LRP3: variants seen among roughly 807,000 people sequenced by gnomAD.
LRP3 encodes low-density lipoprotein receptor-related protein 3.
Under a neutral mutation model 58.5 loss-of-function variants are expected in LRP3, and 49 were observed. The observed-to-expected ratio is 0.84, with a 90% CI of 0.67 to 1.06. The LOEUF (loss-of-function observed/expected upper bound fraction) is 1.06, where lower values mean the gene tolerates loss of function less well. LRP3 is among the 50% of genes least tolerant of loss of function. LRP3 has a pLI of 0.00. For missense variants in LRP3, 1,019 were observed against 1,134.2 expected, an observed-to-expected ratio of 0.90 and a Z score of 1.46; for synonymous variants, 485 against 492.2, an observed-to-expected ratio of 0.99 and a Z score of 0.20.
chr19:33,207,044 C>A lies in LRP3; in HGVS notation c.1782C>A (p.Ala594=). Residue 594 remains alanine, a synonymous_variant, in exon 7 of 7, where the codon GCC becomes GCA. Coordinates refer to ENST00000253193, the MANE Select transcript of LRP3 (RefSeq NM_002333.4). ...TGCGGAGACAGATGCGTCGGCACGC[C>A]TCCCGCCGGGGGCCCTCCCGCCGCC... ...TAMRRQMRRH[A]SRRGPSRRRL... is the part of the protein sequence containing the mutation. 6.7e-7 allele frequency: 1 copy of A among 1,482,796 alleles called. No individual in the cohort carries two copies. The highest frequency in any genetic ancestry group is 8.9e-7 in the Non-Finnish European group (1 of 1,122,382). The allele number at this position is 1,482,796 out of a possible 1,614,324, so 91.9% of individuals were successfully genotyped here.
In LRP3 at chr19:33,205,969, G is replaced by A. The variant is rs1215986433; in HGVS notation, c.1199G>A (p.Gly400Asp). The change falls in exon 5 of 7, where the codon GGC becomes GAC. Residue 400 changes from glycine (G) to aspartate (D), a missense_variant. By Grantham distance (94) the Gly-to-Asp change is moderately conservative. Transcript: ENST00000253193. ...GCFSEPQRCD[G>D]WWHCASGRDE... ...TTCTCAGAGCCACAGCGCTGTGATG[G>A]CTGGTGGCATTGTGCCAGCGGCCGA... 7 of 1,582,422 alleles carry A rather than the reference G, an allele frequency of 4.4e-6. No homozygotes were observed. Among genetic ancestry groups the A allele is most frequent in the African/African-American group, 1.3e-5 (1 of 74,618 alleles).
Position 33,206,004 on chromosome 19 carries a change from G to A in LRP3, c.1234G>A (p.Gly412Ser), listed in dbSNP as rs373137580. Reference sequence around the variant, plus strand: ...TTGTGCCAGCGGCCGAGACGAGCAGGGCTGCCCTGCCTGCCCGCCCGACCA... The same window carrying A: ...TTGTGCCAGCGGCCGAGACGAGCAGAGCTGCCCTGCCTGCCCGCCCGACCA... The part of the protein sequence containing the change: ...WHCASGRDEQ[G>S]CPACPPDQYP... The change falls in exon 5 of 7, where the codon GGC (glycine) becomes AGC (serine). Residue 412 changes from glycine (G) to serine (S), a missense_variant. Gly to Ser is a moderately conservative substitution (Grantham distance 56). Around this residue, in one of 2 missense-constraint regions of LRP3, gnomAD observed 592 missense variants for 725.5 expected, o/e 0.82. Coordinates refer to ENST00000253193, the MANE Select transcript of LRP3 (RefSeq NM_002333.4). 1.5e-4 allele frequency: 238 copies of A among 1,580,362 alleles called. No individual in the cohort carries two copies. The highest frequency in any genetic ancestry group is 2.0e-4 in the Non-Finnish European group (231 of 1,164,098).
chr19:33,199,902 C>CCCCCAAGGG lies in LRP3; in HGVS notation c.122-2937_122-2929dup, dbSNP rs771564336. Reference sequence around the variant, plus strand: ...CAGAAAGCGTGGGTGAGACACCTGGCCCCCAAGGGCCCCAAGGAGAGGGGC... The same window carrying CCCCCAAGGG: ...CAGAAAGCGTGGGTGAGACACCTGGCCCCCAAGGGCCCCAAGGGCCCCAAGGAGAGGGGC... On this transcript the variant is annotated intron_variant, in intron 2 of 6. Coordinates refer to ENST00000253193, the MANE Select transcript of LRP3 (RefSeq NM_002333.4). 1.6e-3 allele frequency among the ~76,000 whole-genome samples: 247 copies of CCCCCAAGGG among 152,206 alleles called. 2 individuals carry two copies. The highest frequency in any genetic ancestry group is 2.9e-3 in the Non-Finnish European group (198 of 68,032).
chr19:33,201,777 C>T (rs1009093758), intron 2 of LRP3, among the ~76,000 whole-genome samples: 4 of 152,072 alleles, frequency 2.6e-5, no homozygotes, highest in Non-Finnish European at 5.9e-5. Flanking sequence ...GAGGTGTGGT[C>T]AAGTGCAGGG....
chr19:33,205,669 T>C lies in LRP3; in HGVS notation c.899T>C (p.Leu300Pro), dbSNP rs895273287. Residue 300 changes from leucine (L) to proline (P), a missense_variant, in exon 5 of 7, where the codon CTG becomes CCG. Transcript: ENST00000253193. ...DSRRVLLQLE[L>P]RLGYDDYVQV... is the part of the protein sequence containing the mutation. ...CGGCGGGTGCTGCTGCAGCTGGAAC[T>C]GCGGCTGGGCTATGACGACTACGTG... 2 of 1,608,820 alleles carry C rather than the reference T, an allele frequency of 1.2e-6. No individual in the cohort carries two copies. The highest frequency in any genetic ancestry group is 1.7e-6 in the Non-Finnish European group (2 of 1,179,416).
intron 2 of LRP3, among the ~76,000 whole-genome samples, chr19:33,201,363 G>A (rs1974339287): frequency 6.6e-6 from 1 of 152,182 alleles, no homozygotes; most frequent in Non-Finnish European, 1.5e-5. Context: ...GACCACCAGG[G>A]CCTCCAGGGC....
chr19:33,204,500 C>T, intron 3 of LRP3, 138 bp from the exon 4 acceptor site: 2 of 677,476 alleles, frequency 3.0e-6, no homozygotes, highest in Non-Finnish European at 5.3e-6. Context: ...CAGTCTGGAA[C>T]ATGAGGAGTG....
chr19:33,200,241 T>A (rs2376557), intron 2 of LRP3, among the ~76,000 whole-genome samples: 151,971 of 152,176 alleles, frequency 1, 75,887 homozygotes, highest in Middle Eastern at 1. Context: ...TTTTTTTTAA[T>A]TTTTTTTGGA....
At chr19:33,195,099 G>T (rs1197046264) in intron 1 of LRP3, among the ~76,000 whole-genome samples, 1 of 151,868 alleles carries the variant, frequency 6.6e-6, no homozygotes, top group Non-Finnish European at 1.5e-5. Context: ...CCCGGGCTGA[G>T]CGCTGGCAGG....
In LRP3 at chr19:33,206,648, G is replaced by A. The variant is rs373749094; in HGVS notation, c.1640G>A (p.Arg547Gln). The change falls in exon 6 of 7, where the codon CGG becomes CAG. Residue 547 changes from arginine (R) to glutamine (Q), a missense_variant. Around this residue, in one of 2 missense-constraint regions of LRP3, gnomAD observed 427 missense variants for 408.6 expected, o/e 1.04. Transcript: ENST00000253193. ...MTRLEAEFVR[R>Q]EAPPSYGQLI... ...CGCCTGGAGGCTGAGTTCGTGCGGC[G>A]GGAGGCACCCCCATCCTATGGTCAG... 3.1e-5 allele frequency: 49 copies of A among 1,598,524 alleles called. No individual in the cohort carries two copies. Among genetic ancestry groups the A allele is most frequent in the Non-Finnish European group, 3.8e-5 (45 of 1,172,542 alleles).
intron 2 of LRP3, 91 bp from the exon 3 acceptor site, chr19:33,202,757 G>A (rs1568382031): frequency 1.4e-6 from 2 of 1,411,444 alleles, no homozygotes; most frequent in East Asian, 5.0e-5. Context: ...CCCACCATGG[G>A]GGAGGCCTGT....
At position 33,207,566 on chromosome 19, in the gene LRP3, G is replaced by T. The variant is rs755998649; in HGVS notation, c.2304G>T (p.Leu768Phe). ...MLEASDDEALLVC is the reference protein window; with the variant it reads ...MLEASDDEALFVC Reference sequence around the variant, plus strand: ...AGGCCAGCGATGATGAGGCCCTGTTGGTCTGTTGACCGCTGGGCTCGCTGG... The same window carrying T: ...AGGCCAGCGATGATGAGGCCCTGTTTGTCTGTTGACCGCTGGGCTCGCTGG... Residue 768 changes from leucine (L) to phenylalanine (F), a missense_variant, in exon 7 of 7, where the codon TTG (leucine) becomes TTT (phenylalanine). By Grantham distance (22) the Leu-to-Phe change is conservative. Transcript: ENST00000253193. 1 of 1,601,584 alleles carries T rather than the reference G, an allele frequency of 6.2e-7. No individual in the cohort carries two copies. Among genetic ancestry groups the T allele is most frequent in the Non-Finnish European group, 8.5e-7 (1 of 1,177,756 alleles).
In LRP3 at chr19:33,208,424, G is replaced by A. The variant is rs1974454945; in HGVS notation, c.*849G>A. ...GGGTGGCCGAGCTCAGACTGGCATC[G>A]AGGGGCCTGGGGTAGGGGCGGACTG... is the stretch of plus-strand genomic sequence containing the variant. On this transcript the variant is annotated 3_prime_UTR_variant, in exon 7 of 7. Transcript: ENST00000253193. The surrounding 1 kb of genome is among the most constrained non-coding windows in gnomAD (Gnocchi z 4.7). The A allele has an allele frequency of 9.7e-6, 2 of 207,122 alleles. No individual in the cohort carries two copies. The highest frequency in any genetic ancestry group is 5.3e-5 in the Admixed American group (1 of 18,914). 12.8% of individuals were successfully genotyped at this position (207,122 alleles called of 1,614,324 possible).
chr19:33,194,993 G>T, intron 1 of LRP3, 135 bp downstream of exon 1: 1 of 281,944 alleles, frequency 3.5e-6, no homozygotes, highest in Non-Finnish European at 5.6e-6. Flanking sequence ...GACCCAGAGA[G>T]GGGCCAGCAC....
In LRP3 at chr19:33,204,628, C is replaced by A. The variant is rs555446206; in HGVS notation, c.261-10C>A. 8.3e-5 allele frequency: 132 copies of A among 1,594,336 alleles called. No individual in the cohort carries two copies. Among genetic ancestry groups the A allele is most frequent in the South Asian group, 6.3e-4 (57 of 90,784 alleles). On this transcript the variant is annotated splice_polypyrimidine_tract_variant and intron_variant, in intron 3 of 6. Transcript: ENST00000253193. ...TGCCTCATGTCTGGGTCCTCTCCGCCCCCCCGCAGCTTCCGCAACTTTGAC... is the reference window on the plus strand; with the variant it reads ...TGCCTCATGTCTGGGTCCTCTCCGCACCCCCGCAGCTTCCGCAACTTTGAC...
rs1005635796 is a variant in LRP3, at chr19:33,196,171, T to C, written c.74-559T>C. Among the ~76,000 whole-genome samples, 78 of 152,130 alleles carry C rather than the reference T, an allele frequency of 5.1e-4. 1 individual carries two copies. The highest frequency in any genetic ancestry group is 2.6e-4 in the Admixed American group (4 of 15,278). On this transcript the variant is annotated intron_variant, in intron 1 of 6. Coordinates refer to ENST00000253193, the MANE Select transcript of LRP3 (RefSeq NM_002333.4). Reference sequence around the variant, plus strand: ...GTTCCGTCACTAGCTGCGTGCCCTGTAAATGGGGATTATCAGAACTGCCTC... The same window carrying C: ...GTTCCGTCACTAGCTGCGTGCCCTGCAAATGGGGATTATCAGAACTGCCTC...
chr19:33,205,800 A>G lies in LRP3; in HGVS notation c.1030A>G (p.Thr344Ala). ...VSLEAAQGRL[T>A]VAYHARARSA... ...CCTGGAGGCCGCCCAGGGCCGCCTC[A>G]CTGTGGCCTACCACGCGCGCGCCCG... The change falls in exon 5 of 7, where the codon ACT becomes GCT. Residue 344 changes from threonine (T) to alanine (A), a missense_variant. Physicochemically the swap from Thr to Ala is moderately conservative, Grantham distance 58. This residue lies in a region of LRP3 where 592 missense variants were observed against 725.5 expected (regional missense o/e 0.82). Coordinates refer to ENST00000253193, the MANE Select transcript of LRP3 (RefSeq NM_002333.4). The G allele has an allele frequency of 6.3e-7, 1 of 1,586,770 alleles. No individual in the cohort carries two copies. The highest frequency in any genetic ancestry group is 8.6e-7 in the Non-Finnish European group (1 of 1,168,530).
At chr19:33,201,432 G>A (rs771488325) in intron 2 of LRP3, among the ~76,000 whole-genome samples, 3 of 152,144 alleles carry the variant, frequency 2.0e-5, no homozygotes, top group Non-Finnish European at 4.4e-5. Context: ...TTATGGGAGG[G>A]ATGAGGCAGA....
At chr19:33,196,882 G>A (rs1258233075) in intron 2 of LRP3, 105 bp downstream of exon 2, 35 of 1,051,118 alleles carry the variant, frequency 3.3e-5, no homozygotes, top group Middle Eastern at 4.1e-4. Flanking sequence ...GAGTTCCTGT[G>A]TGCATCTTTT....
Sources: allele counts gnomAD v4.1 joint callset (sites outside exome capture counted in the v4.1 genomes callset), GRCh38; gene constraint gnomAD v4.1.1; regional missense constraint gnomAD v4.1.1; non-coding constraint Gnocchi (gnomAD v3.1); transcripts MANE v1.5; gene names NCBI Gene and HGNC (gene_info 2026-07-23, HGNC 2026-07-21).